The following CCDC88C variants were observed in gnomAD, a reference collection of about 807,000 sequenced individuals.
The protein encoded by CCDC88C is protein Daple.
Under a neutral mutation model 198.8 loss-of-function variants are expected in CCDC88C, and 131 were observed. The observed-to-expected ratio is 0.66, with a 90% CI of 0.57 to 0.76. CCDC88C has a LOEUF of 0.76. Among genes scored for constraint, CCDC88C ranks in the 30% least tolerant of loss-of-function variants. CCDC88C has a pLI of 0.00. For missense variants in CCDC88C, 2,553 were observed against 2,631.6 expected (o/e 0.97, Z 0.65); for synonymous variants, 1,166 against 1,114.7 (o/e 1.05, Z -0.92).
Position 91,273,276 on chromosome 14 carries a change from A to G in CCDC88C, c.5436T>C (p.Leu1812=). The change falls in exon 30 of 30, where the codon CTT becomes CTC. Residue 1812 remains leucine, a synonymous_variant. Coordinates refer to ENST00000389857, the MANE Select transcript of CCDC88C (RefSeq NM_001080414.4). This position sits in a 1 kb window ranked among gnomAD's most constrained non-coding sequence, Gnocchi z 5.6. ...AGGCCTCTGGCCCGCTGGCCCGGAG[A>G]AGGTCAGCTGAGGCCAGGCTGAAGG... The part of the protein sequence containing the change: ...SRAFSLASAD[L]LRASGPEACK... The G allele has an allele frequency of 1.9e-6, 3 of 1,560,172 alleles. No individual in the cohort carries two copies. The highest frequency in any genetic ancestry group is 2.4e-5 in the East Asian group (1 of 41,858).
chr14:91,321,194 C>T lies in CCDC88C; in HGVS notation c.1453G>A (p.Ala485Thr), dbSNP rs554639813. 1.6e-5 allele frequency: 26 copies of T among 1,612,374 alleles called. No individual in the cohort carries two copies. The highest frequency in any genetic ancestry group is 8.0e-5 in the African/African-American group (6 of 75,028). ...CCGCTCTCCTCCAACACCAGGGACG[C>T]GTCCCGCAGCCCCTGGATGGTGCTC... ...LQSTIQGLRD[A>T]SLVLEESGLK... The change falls in exon 13 of 30, where the codon GCG becomes ACG. Residue 485 changes from alanine (A) to threonine (T), a missense_variant. Transcript: ENST00000389857.
At chr14:91,354,268 C>T (rs1015891063) in intron 4 of CCDC88C, among the ~76,000 whole-genome samples, 1 of 152,210 alleles carries the variant, frequency 6.6e-6, no homozygotes, top group Non-Finnish European at 1.5e-5. Flanking sequence ...TTTGCTAACA[C>T]CCTGGCTTCC....
At chr14:91,365,992 C>T (rs907179019) in intron 3 of CCDC88C, among the ~76,000 whole-genome samples, 1 of 152,110 alleles carries the variant, frequency 6.6e-6, no homozygotes, top group Non-Finnish European at 1.5e-5. Flanking sequence ...ATATATTACA[C>T]TAAAATGACA....
chr14:91,273,388 TG>T lies in CCDC88C; in HGVS notation c.5323del (p.Gln1775ArgfsTer27). On this transcript the variant is annotated frameshift_variant, in exon 30 of 30. Transcript: ENST00000389857. LOFTEE classifies it low-confidence loss of function (END_TRUNC). The surrounding 1 kb of genome is among the most constrained non-coding windows in gnomAD (Gnocchi z 5.6). ...CCGGGGTCTGCCCAGAGACAGGCTC[TG>T]GGGAGGCTGGGCCTGTCTCGGGGCC... ...SVAPRQAQPP[Q>X]SLSLGRPRQA... The T allele has an allele frequency of 1.3e-6, 2 of 1,533,828 alleles. No homozygotes were observed. Among genetic ancestry groups the T allele is most frequent in the Non-Finnish European group, 8.8e-7 (1 of 1,140,098 alleles).
chr14:91,321,723 G>A (rs1017987190), intron 12 of CCDC88C, among the ~76,000 whole-genome samples: 5 of 152,190 alleles, frequency 3.3e-5, no homozygotes, highest in Admixed American at 6.5e-5. Context: ...GCAGGGGCAC[G>A]TAACTGACCA....
At chr14:91,346,177 C>A (rs1596095830) in intron 4 of CCDC88C, among the ~76,000 whole-genome samples, 1 of 152,186 alleles carries the variant, frequency 6.6e-6, no homozygotes, top group Non-Finnish European at 1.5e-5. Flanking sequence ...CTCCTAAGAC[C>A]CCTCAACTGA....
intron 3 of CCDC88C, among the ~76,000 whole-genome samples, chr14:91,389,281 A>T (rs1885337619): frequency 6.6e-6 from 1 of 152,140 alleles, no homozygotes; most frequent in African/African-American, 2.4e-5. Context: ...AAGAGAAAAG[A>T]GGGTCATGGG....
rs1314728785 is a variant in CCDC88C, at chr14:91,339,256, G to C, written c.809+22C>G. 2 of 1,611,222 alleles carry C rather than the reference G, an allele frequency of 1.2e-6. No homozygotes were observed. Among genetic ancestry groups the C allele is most frequent in the African/African-American group, 2.7e-5 (2 of 74,884 alleles). ...CATGTCTGCAACACACACAAAGGTA[G>C]GAGAAGCAGCCGGGGACTCACAGCT... is the stretch of plus-strand genomic sequence containing the variant. On this transcript the variant is annotated intron_variant, in intron 8 of 29. Transcript: ENST00000389857. This position sits in a 1 kb window ranked among gnomAD's most constrained non-coding sequence, Gnocchi z 5.8.
chr14:91,307,186 T>C lies in CCDC88C; in HGVS notation c.3047A>G (p.Glu1016Gly). The change falls in exon 18 of 30, where the codon GAG (glutamate) becomes GGG (glycine). Residue 1016 changes from glutamate to glycine, a missense_variant. Physicochemically the swap from Glu to Gly is moderately conservative, Grantham distance 98 (BLOSUM62 -2). Around this residue, in one of 2 missense-constraint regions of CCDC88C, gnomAD observed 1,260 missense variants for 1,412.0 expected, o/e 0.89. Transcript: ENST00000389857. ...GAAAGAGTTCTGCAAGTGCTGCCCC[T>C]CTCCCTGGTTCTGCCTGAGGGTCTC... is the stretch of plus-strand genomic sequence containing the variant. ...ECETLRQNQG[E>G]GQHLQNSFKH... The C allele has an allele frequency of 1.2e-6, 2 of 1,613,776 alleles. No homozygotes were observed. Among genetic ancestry groups the C allele is most frequent in the East Asian group, 4.5e-5 (2 of 44,878 alleles).
At chr14:91,353,549 C>A (rs1255385565) in intron 4 of CCDC88C, among the ~76,000 whole-genome samples, 1 of 152,162 alleles carries the variant, frequency 6.6e-6, no homozygotes, top group Non-Finnish European at 1.5e-5. Context: ...GGGCAGCCAG[C>A]TAAGATGAGG....
chr14:91,318,962 A>G (rs1379511842), intron 13 of CCDC88C, among the ~76,000 whole-genome samples: 2 of 149,160 alleles, frequency 1.3e-5, no homozygotes, highest in Non-Finnish European at 3.0e-5. Context: ...CAAGGGACCC[A>G]GGTGTCCTGC....
chr14:91,307,932 T>C (rs1274007801), intron 17 of CCDC88C, among the ~76,000 whole-genome samples: 1 of 152,244 alleles, frequency 6.6e-6, no homozygotes, highest in Non-Finnish European at 1.5e-5. Flanking sequence ...TGTTCACACA[T>C]GTGGCAAATA....
At chr14:91,404,201 T>A (rs1567125553) in intron 3 of CCDC88C, among the ~76,000 whole-genome samples, 1 of 152,174 alleles carries the variant, frequency 6.6e-6, no homozygotes, top group Non-Finnish European at 1.5e-5. Context: ...TCCAAGGCTT[T>A]GTCCTACTCT....
intron 23 of CCDC88C, among the ~76,000 whole-genome samples, chr14:91,291,371 G>A (rs900884163): frequency 2.0e-5 from 3 of 152,202 alleles, no homozygotes; most frequent in South Asian, 4.1e-4. Flanking sequence ...ACTCACGCTC[G>A]GAAGACCCAA....
Position 91,339,840 on chromosome 14 carries a change from A to G in CCDC88C, c.624+44T>C, listed in dbSNP as rs1465127263. On this transcript the variant is annotated intron_variant, in intron 7 of 29. Coordinates refer to ENST00000389857, the MANE Select transcript of CCDC88C (RefSeq NM_001080414.4). The surrounding 1 kb of genome is among the most constrained non-coding windows in gnomAD (Gnocchi z 5.8). ...GAAGGGAGAGGAGATGAAGGGGCCT[A>G]AGCCCCTTCCCAGGCTGACCGGGCC... 2.6e-6 allele frequency: 4 copies of G among 1,542,698 alleles called. No individual in the cohort carries two copies. The Admixed American group carries it at 7.7e-5, about 30-fold the overall frequency.
chr14:91,354,944 G>A (rs559045958), intron 4 of CCDC88C, among the ~76,000 whole-genome samples: 48 of 152,350 alleles, frequency 3.2e-4, no homozygotes, highest in African/African-American at 7.2e-4. Context: ...AAGACAGGGC[G>A]TGTGGCAGGA....
At position 91,381,692 on chromosome 14, in the gene CCDC88C, G is replaced by A. The variant is rs1700891668; in HGVS notation, c.271-21981C>T. Among the ~76,000 whole-genome samples, 1 of 152,142 alleles carries A rather than the reference G, an allele frequency of 6.6e-6. No homozygotes were observed. Among genetic ancestry groups the A allele is most frequent in the Non-Finnish European group, 1.5e-5 (1 of 68,044 alleles). The stretch of plus-strand genomic sequence containing the variant: ...TACTAAAAATACAAACAATTATCTG[G>A]GCATGGTGGCGCGTGCATGTAATTC... On this transcript the variant is annotated intron_variant, in intron 3 of 29. Coordinates refer to ENST00000389857, the MANE Select transcript of CCDC88C (RefSeq NM_001080414.4). This position sits in a 1 kb window ranked among gnomAD's most constrained non-coding sequence, Gnocchi z 4.2.
rs145237717 is a variant in CCDC88C at position 91,287,122 on chromosome 14, A to C, written c.4441+1983T>G. 2.0e-5 allele frequency among the ~76,000 whole-genome samples: 3 copies of C among 152,288 alleles called. No individual in the cohort carries two copies. In the South Asian group the frequency reaches 6.2e-4, roughly 32 times the overall value. On this transcript the variant is annotated intron_variant, in intron 25 of 29. Coordinates refer to ENST00000389857, the MANE Select transcript of CCDC88C (RefSeq NM_001080414.4). ...AGACTGATTATAGTTAATTAATTCC[A>C]CTTAAAGAGTAATACAAGTTGAGAT...
At chr14:91,386,567 A>G (rs1166445210) in intron 3 of CCDC88C, among the ~76,000 whole-genome samples, 3 of 152,214 alleles carry the variant, frequency 2.0e-5, no homozygotes, top group South Asian at 2.1e-4. Context: ...CGGTGGCCAT[A>G]GTTCATTCGC....
Sources: gnomAD v4.1 joint callset for allele counts (sites outside exome capture counted in the v4.1 genomes callset) on GRCh38, gnomAD v4.1.1 for gene constraint, gnomAD v4.1.1 regional missense constraint, Gnocchi (gnomAD v3.1) non-coding constraint, MANE v1.5 for transcripts, NCBI Gene and HGNC (gene_info 2026-07-23, HGNC 2026-07-21) for gene names.